The following STX8 variants were observed in gnomAD, a reference collection of about 807,000 sequenced individuals.
STX8 encodes syntaxin-8.
In STX8, 23 loss-of-function variants were observed where a neutral mutation model predicts 37.5. That is an observed-to-expected ratio of 0.61 (90% confidence interval 0.44 to 0.87). The LOEUF is 0.87. STX8 is among the 40% of genes least tolerant of loss of function. The probability of loss-of-function intolerance (pLI) is 0.00; values close to 1 mark genes in which losing one functional copy is unlikely to be tolerated. For missense variants in STX8, 313 were observed against 284.7 expected (o/e 1.10, Z -0.71); for synonymous variants, 115 against 99.1 (o/e 1.16, Z -0.95).
Position 9,575,795 on chromosome 17 carries a change from G to GGGT in STX8, c.11_13dup (p.Asp4_Pro5insHis). ...GCCGCCCTCACCCGGGACTCACCAG[G>GGGT]GGTCCGGTGCCATCCTGCAGACTCC... On this transcript the variant is annotated inframe_insertion, in exon 1 of 8. Transcript: ENST00000306357. 1 of 1,543,758 alleles carries GGGT rather than the reference G, an allele frequency of 6.5e-7. No homozygotes were observed. The highest frequency in any genetic ancestry group is 1.7e-4 in the Middle Eastern group (1 of 5,798).
chr17:9,398,061 T>C (rs1410555995), intron 6 of STX8, among the ~76,000 whole-genome samples: 1 of 151,168 alleles, frequency 6.6e-6, no homozygotes, highest in Non-Finnish European at 1.5e-5. Flanking sequence ...GAGACAAATC[T>C]CCAGCTAGTT....
At chr17:9,332,098 G>A (rs1384177358) in intron 7 of STX8, among the ~76,000 whole-genome samples, 1 of 152,156 alleles carries the variant, frequency 6.6e-6, no homozygotes, top group Non-Finnish European at 1.5e-5. Context: ...CCTTCATTTT[G>A]TTGTTTCTTC....
intron 3 of STX8, among the ~76,000 whole-genome samples, chr17:9,555,961 G>A (rs1906951031): frequency 1.3e-5 from 2 of 151,922 alleles, no homozygotes; most frequent in African/African-American, 2.4e-5. Flanking sequence ...TGTTGATTTG[G>A]GTAAAATAAA....
At chr17:9,573,080 A>ACCCCCCCCCCCCCCCCCCCCCCCCCCC (rs71135994) in intron 1 of STX8, among the ~76,000 whole-genome samples, 1 of 101,578 alleles carries the variant, frequency 9.8e-6, no homozygotes, top group African/African-American at 3.8e-5. Context: ...CACCCCCAAC[A>ACCCCCCCCCCCCCCCCCCCCCCCCCCC]CCCCCCCCCA....
intron 7 of STX8, among the ~76,000 whole-genome samples, chr17:9,330,387 G>C (rs1199237289): frequency 1.3e-5 from 2 of 152,124 alleles, no homozygotes; most frequent in Non-Finnish European, 2.9e-5. Context: ...ATCAAGTTGG[G>C]AGTGAGGTTG....
intron 2 of STX8, 92 bp from the exon 3 acceptor site, chr17:9,557,620 T>G: frequency 9.1e-7 from 1 of 1,097,660 alleles, no homozygotes; most frequent in African/African-American, 1.6e-5. Context: ...CGGGCTATGA[T>G]GCAACCAAGC....
chr17:9,388,002 A>G (rs1912075600), intron 6 of STX8, among the ~76,000 whole-genome samples: 1 of 152,152 alleles, frequency 6.6e-6, no homozygotes, highest in African/African-American at 2.4e-5. Flanking sequence ...ATCTAGACCG[A>G]AAACGAAGTT....
Position 9,465,552 on chromosome 17 carries a change from T to C in STX8, c.541+26277A>G, listed in dbSNP as rs142249559. 1.6e-3 allele frequency among the ~76,000 whole-genome samples: 236 copies of C among 152,186 alleles called. 2 individuals are homozygous for C. The highest frequency in any genetic ancestry group is 5.5e-3 in the African/African-American group (228 of 41,518). On this transcript the variant is annotated intron_variant, in intron 6 of 7. Coordinates refer to ENST00000306357, the MANE Select transcript of STX8 (RefSeq NM_004853.3). Reference sequence around the variant, plus strand: ...AAGGAAATTTTGTGTGCCGGAGAAATGTATACCCTGAGATCAGCCATATCA... The same window carrying C: ...AAGGAAATTTTGTGTGCCGGAGAAACGTATACCCTGAGATCAGCCATATCA...
intron 6 of STX8, among the ~76,000 whole-genome samples, chr17:9,446,967 C>T (rs898832394): frequency 6.6e-6 from 1 of 152,176 alleles, no homozygotes; most frequent in African/African-American, 2.4e-5. Context: ...TTTTTTGGCA[C>T]ATATGCTCAA....
chr17:9,332,013 C>A (rs949020194), intron 7 of STX8, among the ~76,000 whole-genome samples: 2 of 152,188 alleles, frequency 1.3e-5, no homozygotes, highest in African/African-American at 4.8e-5. Context: ...GCAATGATTC[C>A]GAGTCTGGGA....
chr17:9,378,748 T>C, intron 6 of STX8, 95 bp from the exon 7 acceptor site: 2 of 906,970 alleles, frequency 2.2e-6, no homozygotes, highest in Non-Finnish European at 3.7e-6. Context: ...AATAATGATC[T>C]CGAGTGCAGT....
chr17:9,368,768 C>T (rs1296170634), intron 7 of STX8, among the ~76,000 whole-genome samples: 1 of 152,186 alleles, frequency 6.6e-6, no homozygotes, highest in East Asian at 1.9e-4. Flanking sequence ...GCTTGTCTTA[C>T]TAATTCTTCA....
intron 7 of STX8, among the ~76,000 whole-genome samples, chr17:9,306,904 T>C (rs1322964920): frequency 6.6e-6 from 1 of 151,360 alleles, no homozygotes; most frequent in African/African-American, 2.4e-5. Flanking sequence ...GGAGGGAGGA[T>C]CATGAGGTCA....
chr17:9,522,784 T>C (rs923466765), intron 4 of STX8, among the ~76,000 whole-genome samples: 2 of 149,600 alleles, frequency 1.3e-5, no homozygotes, highest in African/African-American at 4.9e-5. Context: ...GGGCAAGAGG[T>C]TGGGGGAAGG....
intron 7 of STX8, among the ~76,000 whole-genome samples, chr17:9,348,341 C>T (rs1910597932): frequency 6.7e-6 from 1 of 148,214 alleles, no homozygotes; most frequent in Admixed American, 6.9e-5. Flanking sequence ...TGGCATGAAT[C>T]TGGGAGGCAG....
intron 5 of STX8, among the ~76,000 whole-genome samples, chr17:9,496,932 G>A (rs1391523847): frequency 1.3e-5 from 2 of 152,184 alleles, no homozygotes; most frequent in African/African-American, 4.8e-5. Flanking sequence ...TGTGGGACCT[G>A]CATTGGACTA....
chr17:9,471,448 G>C (rs192256676), intron 6 of STX8, among the ~76,000 whole-genome samples: 57 of 152,150 alleles, frequency 3.7e-4, no homozygotes, highest in Non-Finnish European at 6.9e-4. Flanking sequence ...ACCGCGCCCG[G>C]CCCTAACTGC....
intron 6 of STX8, among the ~76,000 whole-genome samples, chr17:9,402,966 A>G (rs1344998509): frequency 6.6e-6 from 1 of 152,168 alleles, no homozygotes; most frequent in South Asian, 2.1e-4. Flanking sequence ...TCACGAATTC[A>G]TAGCTTCGGT....
At position 9,543,388 on chromosome 17, in the gene STX8, G is replaced by T. The variant is rs1050146323; in HGVS notation, c.323+1784C>A. Among the ~76,000 whole-genome samples, 62 of 151,632 alleles carry T rather than the reference G, an allele frequency of 4.1e-4. 1 individual carries two copies. Reference sequence around the variant, plus strand: ...GGCTCACTGCAACCTCCACCTCCCAGGTTCAAGCAATTCTCCTGCCTCAGC... The same window carrying T: ...GGCTCACTGCAACCTCCACCTCCCATGTTCAAGCAATTCTCCTGCCTCAGC... On this transcript the variant is annotated intron_variant, in intron 4 of 7. Transcript: ENST00000306357.
Sources: gnomAD v4.1 joint callset for allele counts (sites outside exome capture counted in the v4.1 genomes callset) on GRCh38, gnomAD v4.1.1 for gene constraint, MANE v1.5 for transcripts, NCBI Gene and HGNC (gene_info 2026-07-23, HGNC 2026-07-21) for gene names.